SLC2A5: variants seen among roughly 807,000 people sequenced by gnomAD.
The protein encoded by SLC2A5 is solute carrier family 2, facilitated glucose transporter member 5.
Under a neutral mutation model 50.3 loss-of-function variants are expected in SLC2A5, and 56 were observed. The ratio of observed to expected loss-of-function variants is 1.11; its 90% CI spans 0.90 to 1.39. The LOEUF (loss-of-function observed/expected upper bound fraction) is 1.39. Among genes scored for constraint, SLC2A5 ranks in the 40% most tolerant of loss-of-function variants. The pLI is 0.00. For missense variants in SLC2A5, 566 were observed against 650.1 expected, an observed-to-expected ratio of 0.87 and a Z score of 1.41; for synonymous variants, 269 against 281.9, an observed-to-expected ratio of 0.95 and a Z score of 0.46.
chr1:9,042,403 A>G (rs980096296), intron 4 of SLC2A5, among the ~76,000 whole-genome samples: 2 of 151,634 alleles, frequency 1.3e-5, no homozygotes, highest in African/African-American at 4.8e-5. Flanking sequence ...CACTAAAAAT[A>G]TGTATATGTG....
chr1:9,084,584 C>T (rs907660437), intron 2 of SLC2A5, among the ~76,000 whole-genome samples: 5 of 152,202 alleles, frequency 3.3e-5, no homozygotes, highest in Non-Finnish European at 7.3e-5. Context: ...GGCCCACCAT[C>T]CCAGCCTGTT....
chr1:9,038,651 C>T, intron 9 of SLC2A5, 145 bp from the exon 10 acceptor site: 1 of 1,248,728 alleles, frequency 8.0e-7, no homozygotes, highest in Admixed American at 2.2e-5. Flanking sequence ...GGGAAATCAG[C>T]TGAACGTGGG....
At chr1:9,067,211 C>T (rs968921051) in intron 1 of SLC2A5, among the ~76,000 whole-genome samples, 3 of 152,178 alleles carry the variant, frequency 2.0e-5, no homozygotes, top group African/African-American at 4.8e-5. Context: ...CCATTGGGAT[C>T]GCTTCCTTCA....
At chr1:9,079,366 C>G (rs577438050) in intron 2 of SLC2A5, among the ~76,000 whole-genome samples, 1 of 152,170 alleles carries the variant, frequency 6.6e-6, no homozygotes, top group South Asian at 2.1e-4. Flanking sequence ...GAAGGGCGTG[C>G]TCCTGGAGAA....
chr1:9,053,699 C>A (rs1462431113), intron 3 of SLC2A5, among the ~76,000 whole-genome samples: 1 of 147,272 alleles, frequency 6.8e-6, no homozygotes, highest in African/African-American at 2.5e-5. Flanking sequence ...CATGGTGAAA[C>A]CTCATCTCTA....
chr1:9,043,866 C>T (rs1479438195), intron 4 of SLC2A5, among the ~76,000 whole-genome samples: 1 of 151,828 alleles, frequency 6.6e-6, no homozygotes, highest in Non-Finnish European at 1.5e-5. Flanking sequence ...GGATTACAGG[C>T]GCCCGCCACC....
upstream of SLC2A5, among the ~76,000 whole-genome samples, chr1:9,088,878 T>C (rs971022177): frequency 3.9e-5 from 6 of 152,228 alleles, no homozygotes; most frequent in South Asian, 2.1e-4. Flanking sequence ...ATTAAAGGCA[T>C]CCCTTGCGCT....
intron 1 of SLC2A5, among the ~76,000 whole-genome samples, chr1:9,067,782 C>T (rs540336563): frequency 1.4e-4 from 21 of 152,192 alleles, no homozygotes; most frequent in South Asian, 1.2e-3. Flanking sequence ...GCCAGGGACG[C>T]GGCTAAACAT....
At chr1:9,068,189 C>CAAAAAAAAAAAA (rs755203801) in intron 1 of SLC2A5, among the ~76,000 whole-genome samples, 14 of 77,076 alleles carry the variant, frequency 1.8e-4, no homozygotes, top group African/African-American at 6.8e-4. Context: ...GACTCTGTGT[C>CAAAAAAAAAAAA]AAAAAAAAAA....
intron 1 of SLC2A5, among the ~76,000 whole-genome samples, chr1:9,088,023 A>G (rs2124489425): frequency 6.6e-6 from 1 of 152,190 alleles, no homozygotes; most frequent in Admixed American, 6.5e-5. Context: ...TGAAAATGGC[A>G]CCTTTGACTT....
chr1:9,067,080 C>T (rs899565589), intron 1 of SLC2A5, among the ~76,000 whole-genome samples: 25 of 152,190 alleles, frequency 1.6e-4, no homozygotes, highest in African/African-American at 5.8e-4. Context: ...TGGCTCCATA[C>T]TGCCAGACGC....
At chr1:9,083,882 C>T (rs888024017) in intron 2 of SLC2A5, among the ~76,000 whole-genome samples, 4 of 151,566 alleles carry the variant, frequency 2.6e-5, no homozygotes, top group Non-Finnish European at 5.9e-5. Context: ...CGGTGGCTCA[C>T]GCCTGTAATC....
intron 1 of SLC2A5, among the ~76,000 whole-genome samples, chr1:9,086,401 T>C (rs1450930634): frequency 6.6e-6 from 1 of 151,392 alleles, no homozygotes; most frequent in Admixed American, 6.6e-5. Flanking sequence ...TTTTTTTTTT[T>C]TTATTGAGAT....
At chr1:9,092,722 G>A (rs1007083181), upstream of SLC2A5, among the ~76,000 whole-genome samples, 10 of 152,084 alleles carry the variant, frequency 6.6e-5, no homozygotes, top group Non-Finnish European at 1.3e-4. Flanking sequence ...CAGGTTCAGG[G>A]TGCCTCTTTC....
At chr1:9,090,408 T>G (rs1186097939), upstream of SLC2A5, among the ~76,000 whole-genome samples, 1 of 152,178 alleles carries the variant, frequency 6.6e-6, no homozygotes, top group Non-Finnish European at 1.5e-5. Context: ...CCTGAATGGA[T>G]TACGGGGACT....
upstream of SLC2A5, among the ~76,000 whole-genome samples, chr1:9,093,063 C>T (rs980135023): frequency 6.6e-6 from 1 of 152,114 alleles, no homozygotes; most frequent in Non-Finnish European, 1.5e-5. Context: ...AAACCCCTCT[C>T]GTTTCCCCTC....
At chr1:9,082,878 G>GAAA in intron 2 of SLC2A5, 1 of 149,428 alleles carries the variant, frequency 6.7e-6, no homozygotes, top group South Asian at 7.4e-5. Context: ...CTGCAAACAG[G>GAAA]ACAAAAAAAA....
chr1:9,086,507 GC>G (rs1423387029), intron 1 of SLC2A5, among the ~76,000 whole-genome samples: 1 of 151,556 alleles, frequency 6.6e-6, no homozygotes, highest in East Asian at 1.9e-4. Context: ...TCCTACCTCA[GC>G]CTCCTGAGCA....
In SLC2A5 at chr1:9,058,078, C is replaced by A. The variant is rs560059619; in HGVS notation, c.132+74G>T. ...AGGACCCACTGCGTGAACAGCCCCA[C>A]GCTGGCCAGTCCCACCCAGGCAATG... On this transcript the variant is annotated intron_variant, in intron 2 of 11. Coordinates refer to ENST00000377424, the MANE Select transcript of SLC2A5 (RefSeq NM_003039.3). The A allele has an allele frequency of 2.7e-6, 3 of 1,108,388 alleles. No individual in the cohort carries two copies. The African/African-American group carries it at 4.6e-5, about 17-fold the overall frequency. The allele number at this position is 1,108,388 out of a possible 1,614,324, so 68.7% of individuals were successfully genotyped here.
Sources: allele counts gnomAD v4.1 joint callset (sites outside exome capture counted in the v4.1 genomes callset), GRCh38; gene constraint gnomAD v4.1.1; transcripts MANE v1.5; gene names NCBI Gene and HGNC (gene_info 2026-07-23, HGNC 2026-07-21).